The following SOX6 variants were observed in gnomAD, a reference collection of about 807,000 sequenced individuals.
The protein encoded by SOX6 is transcription factor SOX-6.
In SOX6, 11 loss-of-function variants were observed where a neutral mutation model predicts 97.8. The observed-to-expected ratio is 0.11, with a 90% CI of 0.07 to 0.19. SOX6 has a LOEUF of 0.19. Among genes scored for constraint, SOX6 ranks in the 10% least tolerant of loss-of-function variants. SOX6 has a pLI of 1.00. For synonymous variants in SOX6, 360 were observed against 371.4 expected (o/e 0.97, Z 0.35); for missense variants, 810 against 1,039.5 (o/e 0.78, Z 3.04).
At chr11:16,722,444 G>T (rs7943067) in intron 2 of SOX6, among the ~76,000 whole-genome samples, 3,585 of 152,248 alleles carry the variant, frequency 0.024, 144 homozygotes, top group African/African-American at 0.082. Flanking sequence ...TTGATGTCAG[G>T]AGTTCAAGAC....
rs1266228266 is a variant in SOX6 at position 16,633,260 on chromosome 11, GCA to G, written n.430-21002_430-21001del. Among the ~76,000 whole-genome samples the G allele has an allele frequency of 3.3e-5, 5 of 152,282 alleles. No individual in the cohort carries two copies. In the South Asian group the frequency reaches 1.0e-3, roughly 32 times the overall value. ...CATCAAACTGCATAAGTGACACTGAGCACAGTTTTTTACTTCCTGGAACTAAC... is the reference window on the plus strand; with the variant it reads ...CATCAAACTGCATAAGTGACACTGAGCAGTTTTTTACTTCCTGGAACTAAC... On this transcript the variant is annotated intron_variant and non_coding_transcript_variant, in intron 3 of 5. Coordinates refer to the SOX6 transcript ENST00000524520.
chr11:16,136,269 C>T (rs943901264), intron 6 of SOX6, among the ~76,000 whole-genome samples: 7 of 151,572 alleles, frequency 4.6e-5, no homozygotes, highest in Non-Finnish European at 8.8e-5. Flanking sequence ...CCACCCGCCT[C>T]GGCCTCCCAA....
intron 2 of SOX6, among the ~76,000 whole-genome samples, chr11:16,720,812 CACAA>C (rs1848255364): frequency 6.6e-6 from 1 of 151,762 alleles, no homozygotes; most frequent in African/African-American, 2.4e-5. Flanking sequence ...AAAACATAAT[CACAA>C]ACAAAATATC....
chr11:16,494,227 T>C (rs1214004868), intron 4 of SOX6, among the ~76,000 whole-genome samples: 2 of 151,752 alleles, frequency 1.3e-5, no homozygotes, highest in African/African-American at 4.8e-5. Flanking sequence ...AAATACAAAA[T>C]TAGCCAGGCA....
chr11:16,173,370 A>AT (rs1564998112), intron 6 of SOX6, among the ~76,000 whole-genome samples: 1 of 151,778 alleles, frequency 6.6e-6, no homozygotes, highest in African/African-American at 2.4e-5. Flanking sequence ...TGTTGATTCC[A>AT]TAGAAGAAGT....
chr11:16,169,583 C>A (rs1446966811), intron 6 of SOX6, among the ~76,000 whole-genome samples: 2 of 151,912 alleles, frequency 1.3e-5, no homozygotes, highest in Non-Finnish European at 2.9e-5. Flanking sequence ...GATGGATTTT[C>A]TTCTAGAAAT....
chr11:16,001,791 G>A (rs917524745), intron 13 of SOX6, among the ~76,000 whole-genome samples: 2 of 152,152 alleles, frequency 1.3e-5, no homozygotes, highest in African/African-American at 2.4e-5. Flanking sequence ...CTAAATTAAT[G>A]CATTCCTTGG....
intron 4 of SOX6, among the ~76,000 whole-genome samples, chr11:16,595,778 C>T (rs1037520513): frequency 2.0e-5 from 3 of 151,938 alleles, no homozygotes; most frequent in Non-Finnish European, 4.4e-5. Flanking sequence ...CTCTTAAAAA[C>T]ACAAACAAAC....
intron 2 of SOX6, among the ~76,000 whole-genome samples, chr11:16,725,685 G>A (rs1042790167): frequency 2.0e-5 from 3 of 151,996 alleles, no homozygotes; most frequent in African/African-American, 7.3e-5. Flanking sequence ...CAGGTGCAGA[G>A]TTTCTTTTTT....
intron 3 of SOX6, among the ~76,000 whole-genome samples, chr11:16,295,009 C>A (rs898202762): frequency 6.6e-6 from 1 of 151,960 alleles, no homozygotes; most frequent in Non-Finnish European, 1.5e-5. Flanking sequence ...AATCTATTCC[C>A]AATCAACTCT....
At chr11:16,541,808 G>T (rs1861413469) in intron 4 of SOX6, among the ~76,000 whole-genome samples, 1 of 152,140 alleles carries the variant, frequency 6.6e-6, no homozygotes, top group African/African-American at 2.4e-5. Context: ...AAAAAGTCAG[G>T]AAACAACAGA....
intron 4 of SOX6, among the ~76,000 whole-genome samples, chr11:16,500,591 G>A (rs1860688784): frequency 6.6e-6 from 1 of 152,178 alleles, no homozygotes; most frequent in Non-Finnish European, 1.5e-5. Flanking sequence ...CTCCTTAGCT[G>A]ATAAGCAACT....
At chr11:16,007,229 C>T (rs191348779) in intron 13 of SOX6, among the ~76,000 whole-genome samples, 2 of 152,158 alleles carry the variant, frequency 1.3e-5, no homozygotes, top group East Asian at 1.9e-4. Context: ...TAGTCCATTG[C>T]TCCTAGACTA....
At chr11:16,291,786 T>A (rs928705255) in intron 3 of SOX6, among the ~76,000 whole-genome samples, 15 of 152,230 alleles carry the variant, frequency 9.9e-5, no homozygotes, top group African/African-American at 3.1e-4. Context: ...TTTGTGTATT[T>A]GTTGGTATTA....
rs931220899 is a variant in SOX6 at position 16,399,480 on chromosome 11, C to G, written c.-4-58228G>C. ...AACTCAAGTGATCCTCTCACCTCAGCCTCCTGAGTACTACATTATTTTTAA... is the reference window on the plus strand; with the variant it reads ...AACTCAAGTGATCCTCTCACCTCAGGCTCCTGAGTACTACATTATTTTTAA... On this transcript the variant is annotated intron_variant, in intron 1 of 15. Coordinates refer to the SOX6 transcript ENST00000396356. 2.0e-5 allele frequency among the ~76,000 whole-genome samples: 3 copies of G among 151,460 alleles called. No individual in the cohort carries two copies. In the East Asian group the frequency reaches 5.8e-4, roughly 29 times the overall value.
chr11:16,468,598 G>A (rs1284500387), intron 1 of SOX6, among the ~76,000 whole-genome samples: 1 of 152,082 alleles, frequency 6.6e-6, no homozygotes, highest in East Asian at 1.9e-4. Flanking sequence ...ACCCAACATG[G>A]ATCCACCTCA....
chr11:16,147,348 G>T (rs1589973771), intron 6 of SOX6, among the ~76,000 whole-genome samples: 1 of 152,016 alleles, frequency 6.6e-6, no homozygotes, highest in Non-Finnish European at 1.5e-5. Context: ...ACTGGGGCCT[G>T]TTGTGGGGTG....
At chr11:16,652,477 A>G (rs1847667394) in intron 3 of SOX6, among the ~76,000 whole-genome samples, 1 of 152,154 alleles carries the variant, frequency 6.6e-6, no homozygotes, top group African/African-American at 2.4e-5. Context: ...CAGACAACTG[A>G]TCTTTGACAA....
chr11:16,477,291 T>C (rs1253679579), upstream of SOX6, among the ~76,000 whole-genome samples: 1 of 152,178 alleles, frequency 6.6e-6, no homozygotes, highest in African/African-American at 2.4e-5. Flanking sequence ...AGTTTTTAAA[T>C]ATAGCCAGCA....
Sources: allele counts gnomAD v4.1 joint callset (sites outside exome capture counted in the v4.1 genomes callset), GRCh38; gene constraint gnomAD v4.1.1; transcripts MANE v1.5; gene names NCBI Gene and HGNC (gene_info 2026-07-23, HGNC 2026-07-21).